CNTLN: variants seen among roughly 807,000 people sequenced by gnomAD.
The protein encoded by CNTLN is centlein.
In CNTLN, 212 loss-of-function variants were observed where a neutral mutation model predicts 180.0. That is an observed-to-expected ratio of 1.18 (90% confidence interval 1.05 to 1.32). CNTLN has a LOEUF of 1.32. CNTLN is among the 40% of genes most tolerant of loss of function. The pLI, the probability that CNTLN is intolerant of heterozygous loss-of-function variation, is 0.00. For synonymous variants in CNTLN, 722 were observed against 563.1 expected, an observed-to-expected ratio of 1.28 and a Z score of -3.99; for missense variants, 2,095 against 1,610.9, an observed-to-expected ratio of 1.30 and a Z score of -5.14.
intron 18 of CNTLN, among the ~76,000 whole-genome samples, chr9:17,444,931 CTT>C (rs1830313097): frequency 6.6e-6 from 1 of 152,066 alleles, no homozygotes; most frequent in Non-Finnish European, 1.5e-5. Context: ...TAGGTCAAAA[CTT>C]TGCAAATCTC....
chr9:17,515,283 A>G, the CNTLN span, among the ~76,000 whole-genome samples: 1 of 152,108 alleles, frequency 6.6e-6, no homozygotes, highest in African/African-American at 2.4e-5. Context: ...CTCAATTTCT[A>G]GATAGCCCTC....
chr9:17,501,204 T>G (rs1337920298), intron 25 of CNTLN, among the ~76,000 whole-genome samples: 2 of 152,204 alleles, frequency 1.3e-5, no homozygotes, highest in Non-Finnish European at 2.9e-5. Flanking sequence ...ATACTTTCTT[T>G]AGTGGTAAGT....
chr9:17,437,860 GGA>G, intron 18 of CNTLN, among the ~76,000 whole-genome samples: 1 of 152,180 alleles, frequency 6.6e-6, no homozygotes, highest in African/African-American at 2.4e-5. Flanking sequence ...AAATGCATGT[GGA>G]GAGAGAGAGT....
At chr9:17,405,348 TA>T (rs1827298433) in intron 15 of CNTLN, among the ~76,000 whole-genome samples, 1 of 151,714 alleles carries the variant, frequency 6.6e-6, no homozygotes, top group Admixed American at 6.6e-5. Context: ...ACAGACTGGA[TA>T]ACTTATAATG....
intron 13 of CNTLN, among the ~76,000 whole-genome samples, chr9:17,383,125 A>G (rs557067961): frequency 1.3e-5 from 2 of 152,150 alleles, no homozygotes; most frequent in African/African-American, 2.4e-5. Context: ...AAAATATTAT[A>G]TAAAACATAT....
chr9:17,351,772 T>G (rs1319974027), intron 12 of CNTLN, among the ~76,000 whole-genome samples: 1 of 152,206 alleles, frequency 6.6e-6, no homozygotes, highest in Non-Finnish European at 1.5e-5. Context: ...ATTGACCTTT[T>G]AAACTATAGT....
chr9:17,215,347 G>T (rs1219223005), intron 2 of CNTLN, among the ~76,000 whole-genome samples: 4 of 152,246 alleles, frequency 2.6e-5, no homozygotes, highest in African/African-American at 9.6e-5. Context: ...GGTGTCAGCA[G>T]CGGAGGCTGC....
chr9:17,287,512 C>G (rs1382501196), intron 6 of CNTLN, among the ~76,000 whole-genome samples: 1 of 151,200 alleles, frequency 6.6e-6, no homozygotes, highest in Non-Finnish European at 1.5e-5. Context: ...CAGAATGATG[C>G]TGGCCTCATA....
At chr9:17,243,445 C>A (rs1179972956) in intron 5 of CNTLN, among the ~76,000 whole-genome samples, 1 of 151,986 alleles carries the variant, frequency 6.6e-6, no homozygotes, top group East Asian at 1.9e-4. Context: ...GATGTAGATT[C>A]TTACAGCATA....
intron 15 of CNTLN, among the ~76,000 whole-genome samples, chr9:17,396,072 A>G (rs1826497343): frequency 6.6e-6 from 1 of 152,222 alleles, no homozygotes; most frequent in South Asian, 2.1e-4. Context: ...CACCAGCGCC[A>G]TGACAGTTTA....
chr9:17,224,524 T>G (rs1057218843), intron 2 of CNTLN, among the ~76,000 whole-genome samples: 3 of 152,078 alleles, frequency 2.0e-5, no homozygotes, highest in African/African-American at 7.2e-5. Flanking sequence ...GAAACTTGTC[T>G]CAACTGTGTT....
At chr9:17,303,326 A>G (rs1227263510) in intron 7 of CNTLN, among the ~76,000 whole-genome samples, 2 of 152,162 alleles carry the variant, frequency 1.3e-5, no homozygotes, top group East Asian at 1.9e-4. Flanking sequence ...AATAATTTCT[A>G]ATGTTGGAAT....
chr9:17,318,356 C>G (rs372669894), intron 8 of CNTLN, among the ~76,000 whole-genome samples: 2 of 152,006 alleles, frequency 1.3e-5, no homozygotes, highest in Non-Finnish European at 2.9e-5. Context: ...AAAGATCACT[C>G]TGGATGCATT....
At chr9:17,162,530 T>C (rs1819756665) in intron 2 of CNTLN, among the ~76,000 whole-genome samples, 1 of 152,238 alleles carries the variant, frequency 6.6e-6, no homozygotes, top group Non-Finnish European at 1.5e-5. Context: ...AGAGATACAC[T>C]AAGCTTTGTT....
intron 2 of CNTLN, among the ~76,000 whole-genome samples, chr9:17,169,730 G>C (rs1820308076): frequency 6.6e-6 from 1 of 151,944 alleles, no homozygotes; most frequent in Admixed American, 6.6e-5. Context: ...ATTTTTTTCA[G>C]ATTCTCTATT....
chr9:17,313,228 C>T (rs575458470), intron 8 of CNTLN, among the ~76,000 whole-genome samples: 1 of 152,156 alleles, frequency 6.6e-6, no homozygotes, highest in Admixed American at 6.5e-5. Context: ...CGTATATATT[C>T]GGATCCTGTT....
intron 14 of CNTLN, among the ~76,000 whole-genome samples, chr9:17,389,710 C>T: frequency 7.2e-6 from 1 of 138,346 alleles, no homozygotes. Context: ...AAGATGAAAA[C>T]AATATTTGTA....
rs74737511 is a variant in CNTLN, at chr9:17,269,724, A to G, written c.850-4009A>G. Among the ~76,000 whole-genome samples the G allele has an allele frequency of 5.0e-3, 765 of 152,176 alleles. 4 individuals carry two copies. Among genetic ancestry groups the G allele is most frequent in the African/African-American group, 0.017 (711 of 41,526 alleles). ...TCATGTGCCATTAAGATGAATGTAT[A>G]TTCTGTTGTTGTTGAGTGGAATATT... On this transcript the variant is annotated intron_variant, in intron 5 of 25. Coordinates refer to ENST00000380647, the MANE Select transcript of CNTLN (RefSeq NM_017738.4).
intron 23 of CNTLN, 113 bp downstream of exon 23, chr9:17,467,004 G>A (rs967866660): frequency 1.1e-5 from 7 of 627,974 alleles, no homozygotes; most frequent in Admixed American, 8.8e-5. Context: ...AACACAGAAA[G>A]CATCTTCTTC....
Sources: allele counts gnomAD v4.1 joint callset (sites outside exome capture counted in the v4.1 genomes callset), GRCh38; gene constraint gnomAD v4.1.1; transcripts MANE v1.5; gene names NCBI Gene and HGNC (gene_info 2026-07-23, HGNC 2026-07-21).